KCNMA1: variants seen among roughly 807,000 people sequenced by gnomAD.
KCNMA1 encodes Calcium-activated potassium channel subunit alpha-1.
A neutral mutation model predicts 140.0 loss-of-function variants in KCNMA1; 29 were observed. That is an observed-to-expected ratio of 0.21 (90% CI 0.15 to 0.28). The LOEUF (loss-of-function observed/expected upper bound fraction) is 0.28, where lower values mean the gene tolerates loss of function less well. Ranked by LOEUF, KCNMA1 falls within the 10% of genes least tolerant of loss-of-function variation. The probability of loss-of-function intolerance (pLI) is 1.00; values close to 1 mark genes in which losing one functional copy is unlikely to be tolerated. For missense variants in KCNMA1, 880 were observed against 1,602.2 expected (o/e 0.55, Z 7.70); for synonymous variants, 612 against 611.9 (o/e 1.00, Z 0.00).
intron 20 of KCNMA1, among the ~76,000 whole-genome samples, chr10:76,963,576 T>C (rs1045613125): frequency 6.6e-6 from 1 of 152,090 alleles, no homozygotes; most frequent in Non-Finnish European, 1.5e-5. Context: ...GGGTGCAAAA[T>C]TGAAGGAGGC....
At chr10:77,334,643 C>A (rs997563878) in intron 2 of KCNMA1, among the ~76,000 whole-genome samples, 1 of 152,152 alleles carries the variant, frequency 6.6e-6, no homozygotes, top group Admixed American at 6.5e-5. Context: ...GGTCTCTGTT[C>A]TCAAACTGCC....
intron 3 of KCNMA1, among the ~76,000 whole-genome samples, chr10:77,248,365 G>T (rs1478753431): frequency 3.3e-5 from 5 of 152,116 alleles, no homozygotes; most frequent in Admixed American, 3.3e-4. Context: ...ATTCTGGAGG[G>T]GAGGGGCAGC....
intron 25 of KCNMA1, among the ~76,000 whole-genome samples, chr10:76,897,473 CAGG>C (rs1172466585): frequency 6.6e-6 from 1 of 151,980 alleles, no homozygotes; most frequent in Non-Finnish European, 1.5e-5. Flanking sequence ...GGAATTTTGA[CAGG>C]ACACATTTGT....
chr10:77,404,309 C>T (rs2096390455), intron 1 of KCNMA1, among the ~76,000 whole-genome samples: 1 of 152,020 alleles, frequency 6.6e-6, no homozygotes, highest in East Asian at 1.9e-4. Flanking sequence ...GATGAAGTCT[C>T]ACTCTGTCAC....
chr10:77,598,002 C>A (rs1255760996), intron 1 of KCNMA1, among the ~76,000 whole-genome samples: 1 of 152,182 alleles, frequency 6.6e-6, no homozygotes, highest in Non-Finnish European at 1.5e-5. Context: ...GACTGAGTCT[C>A]ACTTTGCCAC....
intron 1 of KCNMA1, among the ~76,000 whole-genome samples, chr10:77,573,951 C>T (rs763552439): frequency 1.5e-4 from 22 of 151,680 alleles, no homozygotes; most frequent in Non-Finnish European, 2.8e-4. Context: ...GATTCTCCCA[C>T]GTCAGCCTCC....
At chr10:77,531,266 T>G (rs1225230259) in intron 1 of KCNMA1, among the ~76,000 whole-genome samples, 1 of 152,188 alleles carries the variant, frequency 6.6e-6, no homozygotes, top group Non-Finnish European at 1.5e-5. Context: ...GCCAATGACC[T>G]TTATCACCTA....
intron 1 of KCNMA1, among the ~76,000 whole-genome samples, chr10:77,436,957 T>TACACAC (rs10536103): frequency 0.02 from 2,751 of 134,812 alleles, 66 homozygotes; most frequent in East Asian, 0.12. Flanking sequence ...CTTCTTTCTT[T>TACACAC]ACACACACAC....
intron 2 of KCNMA1, among the ~76,000 whole-genome samples, chr10:77,397,119 G>C (rs752664609): frequency 2.0e-5 from 3 of 152,196 alleles, no homozygotes; most frequent in Non-Finnish European, 4.4e-5. Context: ...AAGTGACAAT[G>C]TGGATAGTGA....
At chr10:77,165,694 T>A (rs919813466) in intron 5 of KCNMA1, among the ~76,000 whole-genome samples, 2 of 152,236 alleles carry the variant, frequency 1.3e-5, no homozygotes, top group African/African-American at 4.8e-5. Flanking sequence ...CCATTTATAC[T>A]TAGCCCGAAC....
chr10:77,160,529 G>C (rs1175078788), intron 5 of KCNMA1, among the ~76,000 whole-genome samples: 1 of 152,170 alleles, frequency 6.6e-6, no homozygotes, highest in Non-Finnish European at 1.5e-5. Flanking sequence ...GAGGGAGCAG[G>C]GGCAGACCAT....
rs546179966 is a variant in KCNMA1, at chr10:76,995,555, C to T, written c.2266+5852G>A. The T allele has an allele frequency of 1.2e-3, 555 of 470,952 alleles. 11 individuals are homozygous for T. The highest frequency in any genetic ancestry group is 8.2e-3 in the South Asian group (532 of 64,560). 29.2% of individuals were successfully genotyped at this position (470,952 alleles called of 1,614,324 possible). ...TTGACAAGAAAGCTCAAGTGGAAGGCGGGCTGGCCCTGGCATCTGTCGCCT... is the reference window on the plus strand; with the variant it reads ...TTGACAAGAAAGCTCAAGTGGAAGGTGGGCTGGCCCTGGCATCTGTCGCCT... On this transcript the variant is annotated intron_variant, in intron 19 of 27. Coordinates refer to ENST00000286628, the MANE Select transcript of KCNMA1 (RefSeq NM_001161352.2).
At chr10:77,296,918 G>T (rs796954748) in intron 2 of KCNMA1, among the ~76,000 whole-genome samples, 3 of 144,606 alleles carry the variant, frequency 2.1e-5, no homozygotes, top group Non-Finnish European at 3.1e-5. Context: ...TGGGCGGGGG[G>T]GCGGTGGGGG....
chr10:77,523,212 C>CCCCA (rs1267470345), intron 1 of KCNMA1, among the ~76,000 whole-genome samples: 1 of 150,382 alleles, frequency 6.6e-6, no homozygotes, highest in Admixed American at 6.6e-5. Flanking sequence ...TGCCCCCCCC[C>CCCCA]CTTGCAATCA....
intron 23 of KCNMA1, among the ~76,000 whole-genome samples, chr10:76,938,277 G>A (rs2061088601): frequency 1.3e-5 from 2 of 152,026 alleles, no homozygotes; most frequent in Admixed American, 6.5e-5. Context: ...CTAAGTCCCC[G>A]TGGAAATAAA....
At chr10:77,185,741 T>C (rs61867043) in intron 3 of KCNMA1, among the ~76,000 whole-genome samples, 7,601 of 152,090 alleles carry the variant, frequency 0.05, 233 homozygotes, top group Non-Finnish European at 0.067. Flanking sequence ...TCTGTGTGCT[T>C]TCCTGTGTCA....
intron 1 of KCNMA1, among the ~76,000 whole-genome samples, chr10:77,518,643 G>C (rs569581066): frequency 6.6e-6 from 1 of 152,328 alleles, no homozygotes; most frequent in African/African-American, 2.4e-5. Context: ...TGTGGTGCCA[G>C]CTCTGTCCCC....
At chr10:77,543,348 A>G (rs1430170035) in intron 1 of KCNMA1, among the ~76,000 whole-genome samples, 1 of 152,208 alleles carries the variant, frequency 6.6e-6, no homozygotes, top group Non-Finnish European at 1.5e-5. Flanking sequence ...GGTAAGTCAC[A>G]AAAGGAGTCC....
At chr10:77,007,254 T>G (rs907631447) in intron 18 of KCNMA1, among the ~76,000 whole-genome samples, 1 of 152,208 alleles carries the variant, frequency 6.6e-6, no homozygotes, top group Non-Finnish European at 1.5e-5. Flanking sequence ...CATTGCTCAT[T>G]GCTGAAATGG....
Sources: gnomAD v4.1 joint callset for allele counts (sites outside exome capture counted in the v4.1 genomes callset) on GRCh38, gnomAD v4.1.1 for gene constraint, MANE v1.5 for transcripts, NCBI Gene and HGNC (gene_info 2026-07-23, HGNC 2026-07-21) for gene names.